Variants in GMDS observed in about 807,000 individuals in gnomAD.
GMDS encodes the protein GDP-mannose 4,6 dehydratase.
Under a neutral mutation model 49.9 loss-of-function variants are expected in GMDS, and 20 were observed. The ratio of observed to expected loss-of-function variants is 0.40; its 90% CI spans 0.28 to 0.58. The LOEUF (loss-of-function observed/expected upper bound fraction) is 0.58, where lower values mean the gene tolerates loss of function less well. Among genes scored for constraint, GMDS ranks in the 20% least tolerant of loss-of-function variants. GMDS has a pLI of 0.42. For synonymous variants in GMDS, 177 were observed against 178.6 expected (o/e 0.99, Z 0.07); for missense variants, 362 against 481.4 (o/e 0.75, Z 2.32).
At chr6:1,998,875 G>GTTT (rs3047746) in intron 4 of GMDS, among the ~76,000 whole-genome samples, 15 of 151,630 alleles carry the variant, frequency 9.9e-5, no homozygotes, top group African/African-American at 1.9e-4. Context: ...AAGGAAAACT[G>GTTT]TTTTTTTTAA....
chr6:2,156,406 T>C (rs558053091), intron 1 of GMDS, among the ~76,000 whole-genome samples: 15 of 152,148 alleles, frequency 9.9e-5, no homozygotes, highest in Non-Finnish European at 1.8e-4. Context: ...AAGGCAAGCC[T>C]GCCTGCCTTG....
chr6:2,101,764 A>G (rs1402535125), intron 4 of GMDS, among the ~76,000 whole-genome samples: 1 of 152,138 alleles, frequency 6.6e-6, no homozygotes, highest in African/African-American at 2.4e-5. Flanking sequence ...TTAACACTTC[A>G]TTGAAAAACA....
chr6:2,237,278 T>C (rs1419966544), intron 1 of GMDS, among the ~76,000 whole-genome samples: 1 of 152,240 alleles, frequency 6.6e-6, no homozygotes, highest in Non-Finnish European at 1.5e-5. Context: ...CTTACTAGCT[T>C]GCCAAAGACT....
chr6:1,918,327 C>G (rs1286293397), intron 7 of GMDS, among the ~76,000 whole-genome samples: 1 of 152,132 alleles, frequency 6.6e-6, no homozygotes, highest in Non-Finnish European at 1.5e-5. Flanking sequence ...ATCAAGTACT[C>G]CCATGGGTAC....
chr6:1,666,056 A>G (rs2113264515), intron 9 of GMDS, among the ~76,000 whole-genome samples: 1 of 152,218 alleles, frequency 6.6e-6, no homozygotes, highest in South Asian at 2.1e-4. Flanking sequence ...GAGGAGTGAC[A>G]ACGACACTTC....
At chr6:1,819,086 A>G (rs1230603157) in intron 7 of GMDS, among the ~76,000 whole-genome samples, 1 of 152,108 alleles carries the variant, frequency 6.6e-6, no homozygotes, top group African/African-American at 2.4e-5. Context: ...ACAAGATGCT[A>G]CTGACAGACT....
Position 1,711,371 on chromosome 6 carries a change from G to A in GMDS, c.987+15045C>T, listed in dbSNP as rs115726277. Among the ~76,000 whole-genome samples, 702 of 152,332 alleles carry A rather than the reference G, an allele frequency of 4.6e-3. 5 individuals are homozygous for A. Among genetic ancestry groups the A allele is most frequent in the African/African-American group, 0.016 (673 of 41,572 alleles). On this transcript the variant is annotated intron_variant, in intron 9 of 10. Transcript: ENST00000380815. ...CAACAGCTTTCTGGATGAGTCTGAC[G>A]TACTAGGCTTAAGAACCATGGACTA...
At chr6:1,824,776 G>C (rs556470775) in intron 7 of GMDS, among the ~76,000 whole-genome samples, 3 of 152,112 alleles carry the variant, frequency 2.0e-5, no homozygotes, top group Non-Finnish European at 4.4e-5. Context: ...TAAGTACCTG[G>C]TACTTTTTAA....
At chr6:2,050,847 A>G (rs1219134393) in intron 4 of GMDS, among the ~76,000 whole-genome samples, 1 of 152,212 alleles carries the variant, frequency 6.6e-6, no homozygotes, top group Non-Finnish European at 1.5e-5. Flanking sequence ...CCTAAAAACT[A>G]TCAATAAACT....
At chr6:1,801,518 C>T (rs574138170) in intron 7 of GMDS, among the ~76,000 whole-genome samples, 8 of 152,244 alleles carry the variant, frequency 5.3e-5, no homozygotes, top group East Asian at 1.9e-4. Flanking sequence ...GGAGGCAACC[C>T]GCAACATTTT....
At chr6:2,065,128 C>G (rs1373928293) in intron 4 of GMDS, among the ~76,000 whole-genome samples, 1 of 152,144 alleles carries the variant, frequency 6.6e-6, no homozygotes. Context: ...GACCCCTGAG[C>G]AGCCTAACTG....
intron 7 of GMDS, among the ~76,000 whole-genome samples, chr6:1,773,543 G>C (rs1768671010): frequency 6.6e-6 from 1 of 152,200 alleles, no homozygotes; most frequent in South Asian, 2.1e-4. Flanking sequence ...GCACATCGGA[G>C]GGAAATCTGA....
At chr6:2,056,625 A>G in intron 4 of GMDS, among the ~76,000 whole-genome samples, 1 of 152,212 alleles carries the variant, frequency 6.6e-6, no homozygotes, top group Non-Finnish European at 1.5e-5. Context: ...CGCAGATGCC[A>G]GGAAATAACC....
At chr6:2,118,100 C>T (rs1322626639) in intron 2 of GMDS, among the ~76,000 whole-genome samples, 2 of 151,826 alleles carry the variant, frequency 1.3e-5, no homozygotes, top group African/African-American at 4.8e-5. Flanking sequence ...GGGTAAGAGA[C>T]AGCACTTATG....
chr6:1,665,891 C>G (rs561534737), intron 9 of GMDS, among the ~76,000 whole-genome samples: 1 of 152,314 alleles, frequency 6.6e-6, no homozygotes, highest in South Asian at 2.1e-4. Context: ...CTAAATATCA[C>G]CTTAATATAT....
At chr6:1,650,645 A>G (rs1450762514) in intron 9 of GMDS, among the ~76,000 whole-genome samples, 1 of 152,134 alleles carries the variant, frequency 6.6e-6, no homozygotes, top group African/African-American at 2.4e-5. Context: ...GTGTGATCTC[A>G]GCTCACTGCA....
At chr6:1,720,871 T>TG (rs1766362146) in intron 9 of GMDS, among the ~76,000 whole-genome samples, 1 of 150,686 alleles carries the variant, frequency 6.6e-6, no homozygotes. Context: ...AGGGATAGAG[T>TG]GGGGGGATCT....
intron 4 of GMDS, among the ~76,000 whole-genome samples, chr6:2,072,818 C>A (rs1300258531): frequency 6.6e-6 from 1 of 152,126 alleles, no homozygotes; most frequent in African/African-American, 2.4e-5. Flanking sequence ...TAACCTGAAC[C>A]CCATCTTCTT....
chr6:1,632,868 G>T (rs1427905280), intron 9 of GMDS, among the ~76,000 whole-genome samples: 1 of 152,214 alleles, frequency 6.6e-6, no homozygotes, highest in Non-Finnish European at 1.5e-5. Context: ...GACAGAATGA[G>T]ACTTCGCCTC....
Sources: gnomAD v4.1 joint callset for allele counts (sites outside exome capture counted in the v4.1 genomes callset) on GRCh38, gnomAD v4.1.1 for gene constraint, MANE v1.5 for transcripts, NCBI Gene and HGNC (gene_info 2026-07-23, HGNC 2026-07-21) for gene names.